The following WNT11 variants were observed in gnomAD, a reference collection of about 807,000 sequenced individuals.
WNT11 encodes protein Wnt-11.
In WNT11, 20 loss-of-function variants were observed where a neutral mutation model predicts 35.6. The observed-to-expected ratio is 0.56, with a 90% CI of 0.40 to 0.82. WNT11 has a LOEUF of 0.82. Ranked by LOEUF, WNT11 falls within the 40% of genes least tolerant of loss-of-function variation. WNT11 has a pLI of 0.00. For missense variants in WNT11, 459 were observed against 504.4 expected (o/e 0.91, Z 0.86); for synonymous variants, 200 against 211.9 (o/e 0.94, Z 0.49).
At position 76,196,562 on chromosome 11, in the gene WNT11, A is replaced by G. The variant is rs376867420; in HGVS notation, c.240T>C (p.Cys80=). The change falls in exon 2 of 5, where the codon TGT becomes TGC. Residue 80 remains cysteine (C), a synonymous_variant. Transcript: ENST00000322563. ...VHAAREVMKA[C]RRAFADMRWN... Reference sequence around the variant, plus strand: ...AGCGCATGTCGGCAAAGGCCCGGCGACAGGCCTTCATGACCTCGCGGGCGG... The same window carrying G: ...AGCGCATGTCGGCAAAGGCCCGGCGGCAGGCCTTCATGACCTCGCGGGCGG... 9 of 1,613,532 alleles carry G rather than the reference A, an allele frequency of 5.6e-6. No homozygotes were observed. The highest frequency in any genetic ancestry group is 6.8e-6 in the Non-Finnish European group (8 of 1,180,060).
intron 1 of WNT11, among the ~76,000 whole-genome samples, chr11:76,203,207 T>G (rs1424112254): frequency 6.6e-6 from 1 of 152,198 alleles, no homozygotes; most frequent in Non-Finnish European, 1.5e-5. Flanking sequence ...TAGGGCTCCT[T>G]CTACCTCTAT....
chr11:76,187,056 G>C lies in WNT11; in HGVS notation c.*9C>G, dbSNP rs377676492. ...GTCCTCGCTCCTGCGTGGGGCGGAG[G>C]GCAGGGCCTCACTTGCAGACATAGC... On this transcript the variant is annotated 3_prime_UTR_variant, in exon 5 of 5. Coordinates refer to ENST00000322563, the MANE Select transcript of WNT11 (RefSeq NM_004626.3). 3.1e-4 allele frequency: 503 copies of C among 1,608,716 alleles called. 4 individuals are homozygous for C. In the Middle Eastern group the frequency reaches 3.1e-3, roughly 10 times the overall value.
At position 76,186,447 on chromosome 11, in the gene WNT11, A is replaced by G. The variant is rs1953093291; in HGVS notation, c.*618T>C. 1 of 151,202 alleles carries G rather than the reference A, an allele frequency of 6.6e-6. No individual in the cohort carries two copies. The highest frequency in any genetic ancestry group is 1.5e-5 in the Non-Finnish European group (1 of 67,894). 9.4% of individuals were successfully genotyped at this position (151,202 alleles called of 1,614,324 possible). On this transcript the variant is annotated 3_prime_UTR_variant, in exon 5 of 5. Coordinates refer to ENST00000322563, the MANE Select transcript of WNT11 (RefSeq NM_004626.3). The stretch of plus-strand genomic sequence containing the variant: ...GCATTTATTTCATACAGCTGCTTAA[A>G]AAGCTAGTTTTAAAATAGAGATCAT...
chr11:76,202,473 T>C (rs1953395295), intron 1 of WNT11, among the ~76,000 whole-genome samples: 1 of 152,084 alleles, frequency 6.6e-6, no homozygotes, highest in Admixed American at 6.5e-5. Context: ...GGGCCCCACC[T>C]CATGCTGGTG....
chr11:76,208,467 C>G (rs150548358), upstream of WNT11, among the ~76,000 whole-genome samples: 381 of 152,326 alleles, frequency 2.5e-3, 4 homozygotes, highest in African/African-American at 8.7e-3. Context: ...CCTTTGTCTT[C>G]CTGGTCCTGC....
intron 1 of WNT11, among the ~76,000 whole-genome samples, chr11:76,203,913 C>G (rs1338389822): frequency 6.6e-6 from 1 of 152,254 alleles, no homozygotes; most frequent in Non-Finnish European, 1.5e-5. Flanking sequence ...AGCTAGGCAG[C>G]TTAACTCAAA....
intron 1 of WNT11, among the ~76,000 whole-genome samples, chr11:76,205,624 C>A (rs1456583389): frequency 6.6e-6 from 1 of 152,158 alleles, no homozygotes; most frequent in Non-Finnish European, 1.5e-5. Flanking sequence ...GCAGCTCCTC[C>A]GGGAAGGGGC....
At chr11:76,206,147 G>A (rs55836137) in intron 1 of WNT11, among the ~76,000 whole-genome samples, 178 bp downstream of exon 1, 1,532 of 152,310 alleles carry the variant, frequency 0.01, 24 homozygotes, top group African/African-American at 0.035. Context: ...GCAAGCCTGC[G>A]GGAGGCAGGG....
At chr11:76,210,657 C>A, upstream of WNT11, 1 of 985,218 alleles carries the variant, frequency 1.0e-6, no homozygotes, top group Non-Finnish European at 1.2e-6. Context: ...GCTCAGGACC[C>A]GCGCGGAGTC....
chr11:76,201,176 G>A (rs1012674576), intron 1 of WNT11, among the ~76,000 whole-genome samples: 1 of 152,204 alleles, frequency 6.6e-6, no homozygotes, highest in Non-Finnish European at 1.5e-5. Context: ...CTCCCCAGGC[G>A]GCCCAAGGGT....
intron 4 of WNT11, among the ~76,000 whole-genome samples, chr11:76,188,766 GC>G (rs1953134232): frequency 6.6e-6 from 1 of 152,244 alleles, no homozygotes; most frequent in South Asian, 2.1e-4. Context: ...AAGAGGAAAG[GC>G]CATCTAGGCC....
intron 4 of WNT11, chr11:76,190,754 T>A (rs1953171052): frequency 2.0e-5 from 3 of 152,222 alleles, no homozygotes; most frequent in African/African-American, 4.8e-5. Flanking sequence ...GAGCCTTTCA[T>A]ATGTTCTAGT....
intron 4 of WNT11, among the ~76,000 whole-genome samples, chr11:76,190,496 G>GC (rs962581381): frequency 5.9e-5 from 9 of 152,076 alleles, no homozygotes; most frequent in African/African-American, 1.9e-4. Context: ...TGGGGATGCA[G>GC]CCCCCCAGCC....
In WNT11 at chr11:76,187,146, C is replaced by T; in HGVS notation, c.984G>A (p.Arg328=). Residue 328 remains arginine, a synonymous_variant, in exon 5 of 5, where the codon CGG becomes CGA. Transcript: ENST00000322563. Reference sequence around the variant, plus strand: ...AGCACCAGTGGTACTTACAGTGGCACCGCTCGACCACGCGGTCTGTGTAGG... The same window carrying T: ...AGCACCAGTGGTACTTACAGTGGCATCGCTCGACCACGCGGTCTGTGTAGG... The part of the protein sequence containing the change: ...YNPYTDRVVE[R]CHCKYHWCCY... 6.2e-7 allele frequency: 1 copy of T among 1,612,278 alleles called. No individual in the cohort carries two copies.
intron 4 of WNT11, among the ~76,000 whole-genome samples, chr11:76,189,720 C>G (rs1192869755): frequency 6.6e-6 from 1 of 152,190 alleles, no homozygotes; most frequent in Non-Finnish European, 1.5e-5. Context: ...TCACACCAGG[C>G]TTTTCTGTCA....
At position 76,187,074 on chromosome 11, in the gene WNT11, G is replaced by A. The variant is rs1193767249; in HGVS notation, c.1056C>T (p.Val352=). The A allele has an allele frequency of 6.8e-6, 11 of 1,610,668 alleles. No individual in the cohort carries two copies. The highest frequency in any genetic ancestry group is 9.3e-6 in the Non-Finnish European group (11 of 1,179,994). The change falls in exon 5 of 5, where the codon GTC becomes GTT. Residue 352 remains valine (V), a synonymous_variant. Coordinates refer to ENST00000322563, the MANE Select transcript of WNT11 (RefSeq NM_004626.3). ...RRCERTVERY[V]CK ...GGCGGAGGGCAGGGCCTCACTTGCAGACATAGCGCTCCACGGTACGCTCAC... is the reference window on the plus strand; with the variant it reads ...GGCGGAGGGCAGGGCCTCACTTGCAAACATAGCGCTCCACGGTACGCTCAC...
chr11:76,210,458 C>A, upstream of WNT11: 1 of 985,350 alleles, frequency 1.0e-6, no homozygotes. Context: ...CCGCTGCCCG[C>A]GACCACTGCT....
chr11:76,199,664 G>A (rs904662623), intron 1 of WNT11, among the ~76,000 whole-genome samples: 2 of 152,046 alleles, frequency 1.3e-5, no homozygotes, highest in Non-Finnish European at 1.5e-5. Context: ...TTAGCTGGGC[G>A]TGGTGGTGCG....
chr11:76,196,395 C>A (rs1264926298), intron 2 of WNT11, 88 bp downstream of exon 2: 2 of 684,962 alleles, frequency 2.9e-6, no homozygotes, highest in South Asian at 3.7e-5. Context: ...CACCCATGAA[C>A]CCATCCCTCC....
Sources: gnomAD v4.1 joint callset for allele counts (sites outside exome capture counted in the v4.1 genomes callset) on GRCh38, gnomAD v4.1.1 for gene constraint, MANE v1.5 for transcripts, NCBI Gene and HGNC (gene_info 2026-07-23, HGNC 2026-07-21) for gene names.